Variants in SYTL5 observed in about 807,000 individuals in gnomAD.
The protein encoded by SYTL5 is synaptotagmin like 5, also known as synaptotagmin-like protein 5.
A neutral mutation model predicts 55.9 loss-of-function variants in SYTL5; 34 were observed. That is an observed-to-expected ratio of 0.61 (90% confidence interval 0.46 to 0.81). The LOEUF is 0.81. Among genes scored for constraint, SYTL5 ranks in the 30% least tolerant of loss-of-function variants. The pLI, the probability that SYTL5 is intolerant of heterozygous loss-of-function variation, is 0.00. For missense variants in SYTL5, 637 were observed against 546.7 expected, an observed-to-expected ratio of 1.17 and a Z score of -1.65; for synonymous variants, 221 against 188.7, an observed-to-expected ratio of 1.17 and a Z score of -1.40.
the SYTL5 span, among the ~76,000 whole-genome samples, chrX:37,925,244 A>G: frequency 8.9e-6 from 1 of 111,919 alleles, no homozygotes; most frequent in East Asian, 2.8e-4. Context: ...ATAGTATTCT[A>G]TTGTGTATAT....
chrX:37,901,115 A>C, the SYTL5 span, among the ~76,000 whole-genome samples: 2 of 111,441 alleles, frequency 1.8e-5, no homozygotes, highest in Non-Finnish European at 3.8e-5. Flanking sequence ...AGAGAGGACT[A>C]TCACAAACCA....
chrX:37,932,769 AT>A, the SYTL5 span, among the ~76,000 whole-genome samples: 1 of 112,303 alleles, frequency 8.9e-6, no homozygotes, highest in Non-Finnish European at 1.9e-5. Context: ...TCTGGTTCAG[AT>A]TGTATGAGCT....
chrX:37,914,163 T>G, the SYTL5 span, among the ~76,000 whole-genome samples: 1 of 111,301 alleles, frequency 9.0e-6, no homozygotes, highest in African/African-American at 3.3e-5. Flanking sequence ...AAAAGAAAAT[T>G]TAGTACTGTC....
At chrX:38,076,841 A>AT (rs1242830191) in intron 6 of SYTL5, 140 bp downstream of exon 6, 19 of 666,013 alleles carry the variant, frequency 2.9e-5, no homozygotes, top group Non-Finnish European at 4.3e-5. Context: ...TCAGGAAGAT[A>AT]TTTTTTAGTT....
chrX:38,112,178 C>A (rs1937375279), intron 13 of SYTL5, among the ~76,000 whole-genome samples: 1 of 111,612 alleles, frequency 9.0e-6, no homozygotes, highest in Non-Finnish European at 1.9e-5. Flanking sequence ...GCCACAACAG[C>A]CTCCACCTGA....
chrX:38,042,501 G>A (rs1007696838), intron 2 of SYTL5, among the ~76,000 whole-genome samples: 3 of 111,493 alleles, frequency 2.7e-5, no homozygotes, highest in African/African-American at 9.8e-5. Flanking sequence ...ATGAACCTGG[G>A]CAGTTCAAAC....
intron 2 of SYTL5, among the ~76,000 whole-genome samples, chrX:38,040,382 C>T (rs1935247717): frequency 1.8e-5 from 2 of 110,318 alleles, no homozygotes; most frequent in Admixed American, 1.9e-4. Context: ...TTATTATTGA[C>T]TATAGTCACC....
the SYTL5 span, among the ~76,000 whole-genome samples, chrX:37,968,617 G>C: frequency 2.7e-5 from 3 of 111,570 alleles, no homozygotes; most frequent in Non-Finnish European, 5.6e-5. Flanking sequence ...AGTCCAACAT[G>C]GCTTGCGTAT....
At chrX:38,109,188 G>A (rs1937296596) in intron 12 of SYTL5, among the ~76,000 whole-genome samples, 2 of 112,234 alleles carry the variant, frequency 1.8e-5, no homozygotes, top group African/African-American at 6.5e-5. Context: ...AGCCAGATTT[G>A]AGAAATCTCA....
At chrX:37,993,961 A>G in the SYTL5 span, among the ~76,000 whole-genome samples, 4 of 111,947 alleles carry the variant, frequency 3.6e-5, no homozygotes, top group East Asian at 5.6e-4. Flanking sequence ...TTACTAGGGC[A>G]ACCAGGTTCC....
the SYTL5 span, among the ~76,000 whole-genome samples, chrX:37,960,698 G>A: frequency 9.0e-6 from 1 of 110,625 alleles, no homozygotes; most frequent in Admixed American, 9.6e-5. Context: ...CCTCACCAGA[G>A]TCACTGTTAA....
chrX:38,102,989 C>CT (rs1285762055), intron 10 of SYTL5: 5 of 1,026,819 alleles, frequency 4.9e-6, no homozygotes, highest in South Asian at 2.1e-5. Context: ...TGCTCTGATG[C>CT]TTTTTTTCTT....
chrX:38,092,836 T>C (rs1936833822), intron 7 of SYTL5, among the ~76,000 whole-genome samples: 1 of 111,982 alleles, frequency 8.9e-6, no homozygotes, highest in Non-Finnish European at 1.9e-5. Context: ...TCCTCTACTA[T>C]GATGCAACCT....
intron 15 of SYTL5, 52 bp from the exon 16 acceptor site, chrX:38,125,246 A>G (rs1247252131): frequency 1.8e-6 from 2 of 1,082,671 alleles, no homozygotes. Context: ...GTACACGCTG[A>G]CATTTTCTGT....
chrX:38,050,663 T>C (rs1043959954), intron 2 of SYTL5, among the ~76,000 whole-genome samples: 2 of 111,501 alleles, frequency 1.8e-5, no homozygotes, highest in Admixed American at 1.9e-4. Context: ...TTAAGTTGTA[T>C]GTTTATCAGT....
chrX:38,054,167 C>T, intron 2 of SYTL5, 46 bp from the exon 3 acceptor site: 1 of 967,981 alleles, frequency 1.0e-6, no homozygotes. Context: ...GATATCTCTG[C>T]TCCTGTTTGT....
At chrX:37,937,700 T>A in the SYTL5 span, among the ~76,000 whole-genome samples, 3 of 112,219 alleles carry the variant, frequency 2.7e-5, no homozygotes, top group Admixed American at 2.8e-4. Context: ...TTGTTACACA[T>A]CCATGGCAAA....
intron 12 of SYTL5, among the ~76,000 whole-genome samples, chrX:38,109,421 G>A (rs926389492): frequency 9.0e-6 from 1 of 110,971 alleles, no homozygotes; most frequent in African/African-American, 3.3e-5. Flanking sequence ...TCCACTTTAG[G>A]AGGAAATTGG....
the SYTL5 span, among the ~76,000 whole-genome samples, chrX:37,941,971 T>A: frequency 7.8e-4 from 88 of 112,333 alleles, no homozygotes; most frequent in African/African-American, 2.6e-3. Context: ...ATTTTCTTGC[T>A]GTCAGGGTTA....
Sources: allele counts gnomAD v4.1 joint callset (sites outside exome capture counted in the v4.1 genomes callset), GRCh38; gene constraint gnomAD v4.1.1; transcripts MANE v1.5; gene names NCBI Gene and HGNC (gene_info 2026-07-23, HGNC 2026-07-21).